FRAS1: variants seen among roughly 807,000 people sequenced by gnomAD.
FRAS1 encodes the protein Fraser extracellular matrix complex subunit 1, also known as extracellular matrix organizing protein FRAS1.
Under a neutral mutation model 435.2 loss-of-function variants are expected in FRAS1, and 290 were observed. The ratio of observed to expected loss-of-function variants is 0.67; its 90% CI spans 0.61 to 0.73. FRAS1 has a LOEUF of 0.73. FRAS1 is among the 30% of genes least tolerant of loss of function. The pLI is 0.00. For missense variants in FRAS1, 4,860 were observed against 5,001.5 expected (o/e 0.97, Z 0.85); for synonymous variants, 1,800 against 1,851.0 (o/e 0.97, Z 0.71).
chr4:78,196,822 T>A (rs1174796442), intron 2 of FRAS1, among the ~76,000 whole-genome samples: 1 of 152,066 alleles, frequency 6.6e-6, no homozygotes, highest in Non-Finnish European at 1.5e-5. Context: ...CAACTTCAAT[T>A]TGTGGGGCTT....
chr4:78,323,435 C>T (rs1578252644), intron 18 of FRAS1, among the ~76,000 whole-genome samples: 2 of 152,302 alleles, frequency 1.3e-5, no homozygotes, highest in South Asian at 4.1e-4. Context: ...CCAAGAAATA[C>T]ACATCAGCCC....
At chr4:78,115,413 C>T (rs1379170564) in intron 2 of FRAS1, among the ~76,000 whole-genome samples, 1 of 152,086 alleles carries the variant, frequency 6.6e-6, no homozygotes, top group Admixed American at 6.6e-5. Flanking sequence ...GGTACCAGCT[C>T]CTCCTTGTAC....
chr4:78,404,365 T>C (rs1211193168), intron 30 of FRAS1, among the ~76,000 whole-genome samples: 1 of 152,034 alleles, frequency 6.6e-6, no homozygotes. Flanking sequence ...AAATATTATC[T>C]TTTTGTTGTC....
intron 29 of FRAS1, among the ~76,000 whole-genome samples, chr4:78,397,648 A>T (rs1312635093): frequency 6.9e-6 from 1 of 144,180 alleles, no homozygotes; most frequent in Non-Finnish European, 1.5e-5. Flanking sequence ...TATGATCTGC[A>T]GCTGTTTTTT....
chr4:78,229,369 A>G (rs923020414), intron 2 of FRAS1, among the ~76,000 whole-genome samples: 5 of 150,756 alleles, frequency 3.3e-5, no homozygotes, highest in Admixed American at 6.6e-5. Context: ...TTGTGGAAGC[A>G]GGTGGAGCTT....
chr4:78,483,240 G>A (rs187239594), intron 58 of FRAS1, among the ~76,000 whole-genome samples: 3 of 152,292 alleles, frequency 2.0e-5, no homozygotes, highest in South Asian at 2.1e-4. Context: ...TTTAGAAAGC[G>A]AATATTGGCA....
chr4:78,068,879 T>C (rs1409701757), intron 2 of FRAS1, among the ~76,000 whole-genome samples: 1 of 152,226 alleles, frequency 6.6e-6, no homozygotes, highest in Non-Finnish European at 1.5e-5. Flanking sequence ...GTTTATTATC[T>C]ACATCATTCA....
intron 2 of FRAS1, among the ~76,000 whole-genome samples, chr4:78,140,642 T>C (rs1720121986): frequency 6.6e-6 from 1 of 150,862 alleles, no homozygotes; most frequent in Admixed American, 6.6e-5. Flanking sequence ...TATACATATG[T>C]GTATATGTAT....
At position 78,464,655 on chromosome 4, in the gene FRAS1, G is replaced by A. The variant is rs1297176096; in HGVS notation, c.7029+72G>A. ...ACCTGGTGGCAGCTATCACGTTGCA[G>A]CTGTGCATCCTGATGGTAGGGAGGA... On this transcript the variant is annotated intron_variant, in intron 49 of 73. Coordinates refer to ENST00000512123, the MANE Select transcript of FRAS1 (RefSeq NM_025074.7). The A allele has an allele frequency of 2.6e-6, 4 of 1,534,124 alleles. No homozygotes were observed. The African/African-American group carries it at 4.1e-5, about 16-fold the overall frequency.
At chr4:78,183,406 G>T (rs1475506967) in intron 2 of FRAS1, among the ~76,000 whole-genome samples, 1 of 152,168 alleles carries the variant, frequency 6.6e-6, no homozygotes, top group Non-Finnish European at 1.5e-5. Flanking sequence ...CTCTGCACAG[G>T]AGTTGTTTTG....
intron 47 of FRAS1, among the ~76,000 whole-genome samples, chr4:78,455,368 C>T (rs1470064602): frequency 6.6e-6 from 1 of 152,142 alleles, no homozygotes; most frequent in African/African-American, 2.4e-5. Flanking sequence ...CAGCACCTCA[C>T]CCCACTTGTC....
rs546513003 is a variant in FRAS1 at position 78,272,711 on chromosome 4, A to G, written c.981+5279A>G. ...CCAGTACTATGCTGTTTTGGTTACTATAGCCTTGTAGTATAGTTTGAAGTC... is the reference window on the plus strand; with the variant it reads ...CCAGTACTATGCTGTTTTGGTTACTGTAGCCTTGTAGTATAGTTTGAAGTC... On this transcript the variant is annotated intron_variant, in intron 9 of 73. Coordinates refer to ENST00000512123, the MANE Select transcript of FRAS1 (RefSeq NM_025074.7). 4.6e-5 allele frequency among the ~76,000 whole-genome samples: 7 copies of G among 152,212 alleles called. No individual in the cohort carries two copies. In the East Asian group the frequency reaches 5.8e-4, roughly 13 times the overall value.
At position 78,252,477 on chromosome 4, in the gene FRAS1, C is replaced by A; in HGVS notation, c.395C>A (p.Pro132Gln). The A allele has an allele frequency of 6.2e-7, 1 of 1,613,834 alleles. No homozygotes were observed. Among genetic ancestry groups the A allele is most frequent in the South Asian group, 1.1e-5 (1 of 91,074 alleles). Residue 132 changes from proline to glutamine, a missense_variant, in exon 5 of 74, where the codon CCG becomes CAG. Pro to Gln is a moderately conservative substitution (Grantham distance 76). Transcript: ENST00000512123. ...CGATGTACCCCCCAACCATGCCCACCGCTGTCATGTGGACACCAGGAGCTG... is the reference window on the plus strand; with the variant it reads ...CGATGTACCCCCCAACCATGCCCACAGCTGTCATGTGGACACCAGGAGCTG... ...EVRCTPQPCP[P>Q]LSCGHQELAF...
At chr4:78,300,498 T>C (rs148388410) in intron 14 of FRAS1, among the ~76,000 whole-genome samples, 1 of 152,178 alleles carries the variant, frequency 6.6e-6, no homozygotes, top group East Asian at 1.9e-4. Flanking sequence ...TTGTCTTTGC[T>C]TCCCACCCAA....
chr4:78,302,299 A>G (rs1728452143), intron 14 of FRAS1, among the ~76,000 whole-genome samples: 1 of 151,732 alleles, frequency 6.6e-6, no homozygotes, highest in African/African-American at 2.4e-5. Flanking sequence ...TATTATGAAT[A>G]ATGCCGCAAT....
At chr4:78,424,700 G>C (rs756296375) in intron 35 of FRAS1, among the ~76,000 whole-genome samples, 1 of 152,004 alleles carries the variant, frequency 6.6e-6, no homozygotes, top group Non-Finnish European at 1.5e-5. Context: ...CCAGCACTTT[G>C]GAAGGCTGAT....
rs1477890993 is a variant in FRAS1 at position 78,539,317 on chromosome 4, T to C, written c.11322T>C (p.Thr3774=). 3.1e-6 allele frequency: 5 copies of C among 1,610,364 alleles called. No individual in the cohort carries two copies. In the East Asian group the frequency reaches 6.7e-5, roughly 22 times the overall value. ...LLLDRNQPEV[T]DKYFHDVPFE... is the part of the protein sequence containing the mutation. ...AGGACCGCAATCAGCCAGAGGTAAC[T>C]GATAAGTACTTCCATGATGTGCCTT... is the stretch of plus-strand genomic sequence containing the variant. Residue 3774 remains threonine (T), a synonymous_variant, in exon 73 of 74, where the codon ACT becomes ACC. Transcript: ENST00000512123.
At chr4:78,233,409 C>T (rs1416981024) in intron 2 of FRAS1, among the ~76,000 whole-genome samples, 1 of 152,132 alleles carries the variant, frequency 6.6e-6, no homozygotes, top group Non-Finnish European at 1.5e-5. Flanking sequence ...TGCTAGGGTC[C>T]TAATTAAGTA....
intron 2 of FRAS1, chr4:78,181,315 A>G (rs1481917011): frequency 1.2e-5 from 20 of 1,608,264 alleles, no homozygotes; most frequent in Non-Finnish European, 1.6e-5. Flanking sequence ...CTTCACCTTC[A>G]GGTGTTTCGT....
Sources: allele counts gnomAD v4.1 joint callset (sites outside exome capture counted in the v4.1 genomes callset), GRCh38; gene constraint gnomAD v4.1.1; transcripts MANE v1.5; gene names NCBI Gene and HGNC (gene_info 2026-07-23, HGNC 2026-07-21).